Variants in PPM1L observed in about 807,000 individuals in gnomAD.
PPM1L encodes protein phosphatase 1L.
A neutral mutation model predicts 31.4 loss-of-function variants in PPM1L; 13 were observed. The observed-to-expected ratio is 0.41, with a 90% confidence interval of 0.27 to 0.66. PPM1L has a LOEUF of 0.66. PPM1L is among the 30% of genes least tolerant of loss of function. The probability of loss-of-function intolerance (pLI) is 0.29; values close to 1 mark genes in which losing one functional copy is unlikely to be tolerated. For synonymous variants in PPM1L, 184 were observed against 175.4 expected (o/e 1.05, Z -0.39); for missense variants, 326 against 453.7 (o/e 0.72, Z 2.56).
rs552593957 is a variant in PPM1L, at chr3:161,045,605, T to G, written c.575-19798T>G. Among the ~76,000 whole-genome samples the G allele has an allele frequency of 6.6e-5, 10 of 152,250 alleles. No individual in the cohort carries two copies. In the East Asian group the frequency reaches 1.2e-3, roughly 18 times the overall value. ...AAAGACACAACATACCAGAATCTCT[T>G]GGACACATTTAAAGCAGTGTGTAGA... On this transcript the variant is annotated intron_variant, in intron 2 of 3. Coordinates refer to ENST00000498165, the MANE Select transcript of PPM1L (RefSeq NM_139245.4).
In PPM1L at chr3:160,894,021, A is replaced by G. The variant is rs1484520931; in HGVS notation, c.400-67715A>G. ...TAATGTAAGTGTTCTGAGCACATTT[A>G]AGGTAGGCTAGGCTAGACTATGTTG... On this transcript the variant is annotated intron_variant, in intron 1 of 3. Coordinates refer to ENST00000498165, the MANE Select transcript of PPM1L (RefSeq NM_139245.4). 3.9e-5 allele frequency among the ~76,000 whole-genome samples: 6 copies of G among 152,156 alleles called. No individual in the cohort carries two copies. The East Asian group carries it at 9.6e-4, about 24-fold the overall frequency.
At chr3:160,781,864 C>A (rs866023828) in intron 1 of PPM1L, among the ~76,000 whole-genome samples, 1 of 152,152 alleles carries the variant, frequency 6.6e-6, no homozygotes, top group Non-Finnish European at 1.5e-5. Flanking sequence ...ATGAGCCGTA[C>A]CTATGTGTCT....
chr3:160,942,131 A>AGAAGTTT (rs1715183095), intron 1 of PPM1L, among the ~76,000 whole-genome samples: 1 of 152,246 alleles, frequency 6.6e-6, no homozygotes, highest in South Asian at 2.1e-4. Flanking sequence ...TGCTTCACCA[A>AGAAGTTT]AACATGTAGA....
At chr3:160,810,836 TTTGCAACATCTGTTAGGTTGACTTGATGG>T (rs1159596009) in intron 1 of PPM1L, among the ~76,000 whole-genome samples, 3 of 152,212 alleles carry the variant, frequency 2.0e-5, no homozygotes, top group Non-Finnish European at 2.9e-5. Flanking sequence ...CTGGATCCAG[TTTGCAACATCTGTTAGGTTGACTTGATGG>T]TGGTTGCAGA....
intron 1 of PPM1L, among the ~76,000 whole-genome samples, chr3:160,852,230 G>A (rs1711548417): frequency 6.6e-6 from 1 of 152,164 alleles, no homozygotes. Context: ...AGAAGCTGGG[G>A]CAGCTGAGCA....
At chr3:160,944,794 A>ATATAGAACATATATAACATATATGTTC (rs1715284656) in intron 1 of PPM1L, among the ~76,000 whole-genome samples, 1 of 24,474 alleles carries the variant, frequency 4.1e-5, no homozygotes, top group African/African-American at 1.2e-4. Context: ...TATATATGTT[A>ATATAGAACATATATAACATATATGTTC]TATATAACAT....
chr3:160,879,466 T>C (rs1560136203), intron 1 of PPM1L, among the ~76,000 whole-genome samples: 1 of 152,138 alleles, frequency 6.6e-6, no homozygotes, highest in Non-Finnish European at 1.5e-5. Flanking sequence ...GTTGCTATCA[T>C]TATAAATGCT....
chr3:160,850,892 G>GA (rs928059809), intron 1 of PPM1L, among the ~76,000 whole-genome samples: 4 of 149,530 alleles, frequency 2.7e-5, no homozygotes, highest in Non-Finnish European at 5.9e-5. Context: ...GGTGGGGGGG[G>GA]GGTCATTATT....
At chr3:160,936,317 T>G (rs1244201203) in intron 1 of PPM1L, among the ~76,000 whole-genome samples, 1 of 152,174 alleles carries the variant, frequency 6.6e-6, no homozygotes, top group African/African-American at 2.4e-5. Flanking sequence ...GGTCTCAAAC[T>G]CCTAACCTCG....
At chr3:160,974,488 A>G (rs1185328627) in intron 2 of PPM1L, among the ~76,000 whole-genome samples, 1 of 150,858 alleles carries the variant, frequency 6.6e-6, no homozygotes, top group African/African-American at 2.4e-5. Flanking sequence ...AGTCCCACCA[A>G]CAGTGTAAAA....
Position 160,830,720 on chromosome 3 carries a change from G to A in PPM1L, c.399+74013G>A, listed in dbSNP as rs546974219. 3.7e-4 allele frequency among the ~76,000 whole-genome samples: 56 copies of A among 152,226 alleles called. 1 individual carries two copies. In the Middle Eastern group the frequency reaches 0.02, roughly 55 times the overall value. On this transcript the variant is annotated intron_variant, in intron 1 of 3. Transcript: ENST00000498165. Reference sequence around the variant, plus strand: ...TGGAGAAAACTATGACCTAAAAATTGTACTCAAAGCTTTCATTTTTCTGTT... The same window carrying A: ...TGGAGAAAACTATGACCTAAAAATTATACTCAAAGCTTTCATTTTTCTGTT...
At position 161,069,173 on chromosome 3, in the gene PPM1L, C is replaced by T. The variant is rs1719836564; in HGVS notation, c.*16C>T. On this transcript the variant is annotated 3_prime_UTR_variant, in exon 4 of 4. Coordinates refer to ENST00000498165, the MANE Select transcript of PPM1L (RefSeq NM_139245.4). ...AGAGCAGTGAACCCTTCAGGGGTCT[C>T]AGCTGCCTTAGACTAAAGGACTTTC... 1 of 1,585,048 alleles carries T rather than the reference C, an allele frequency of 6.3e-7. No homozygotes were observed. Among genetic ancestry groups the T allele is most frequent in the East Asian group, 2.2e-5 (1 of 44,658 alleles).
At chr3:160,784,775 T>A (rs1711854446) in intron 1 of PPM1L, among the ~76,000 whole-genome samples, 1 of 152,230 alleles carries the variant, frequency 6.6e-6, no homozygotes, top group South Asian at 2.1e-4. Context: ...GCACTGAATT[T>A]TGTATCAATC....
intron 1 of PPM1L, among the ~76,000 whole-genome samples, chr3:160,948,441 C>T (rs1715477019): frequency 6.6e-6 from 1 of 152,168 alleles, no homozygotes; most frequent in Non-Finnish European, 1.5e-5. Flanking sequence ...ATTCAAAGTC[C>T]CACTTGCAGT....
At chr3:160,979,529 T>C (rs2108032862) in intron 2 of PPM1L, among the ~76,000 whole-genome samples, 1 of 152,212 alleles carries the variant, frequency 6.6e-6, no homozygotes, top group East Asian at 1.9e-4. Flanking sequence ...AATTTTTTTT[T>C]TTACATCAAT....
At chr3:161,039,832 A>T (rs1718857905) in intron 2 of PPM1L, among the ~76,000 whole-genome samples, 1 of 152,206 alleles carries the variant, frequency 6.6e-6, no homozygotes, top group East Asian at 1.9e-4. Context: ...CATATTTTAA[A>T]TGATAACAAA....
chr3:160,814,745 GTA>G (rs369380232), intron 1 of PPM1L, among the ~76,000 whole-genome samples: 13,354 of 148,644 alleles, frequency 0.09, 974 homozygotes, highest in African/African-American at 0.19. Context: ...GTATATATGT[GTA>G]TATATATATG....
intron 1 of PPM1L, among the ~76,000 whole-genome samples, chr3:160,838,138 C>T (rs1713773798): frequency 6.6e-6 from 1 of 152,122 alleles, no homozygotes; most frequent in Non-Finnish European, 1.5e-5. Flanking sequence ...ACATTGGACT[C>T]CAGGATTCTT....
chr3:160,831,057 A>G (rs1713511606), intron 1 of PPM1L, among the ~76,000 whole-genome samples: 2 of 152,214 alleles, frequency 1.3e-5, no homozygotes, highest in African/African-American at 4.8e-5. Context: ...TATTGGATGC[A>G]TTGGAATGCT....
Sources: gnomAD v4.1 joint callset for allele counts (sites outside exome capture counted in the v4.1 genomes callset) on GRCh38, gnomAD v4.1.1 for gene constraint, MANE v1.5 for transcripts, NCBI Gene and HGNC (gene_info 2026-07-23, HGNC 2026-07-21) for gene names.